TEAD4: variants seen among roughly 807,000 people sequenced by gnomAD.
TEAD4 encodes the protein transcriptional enhancer factor TEF-3.
Under a neutral mutation model 52.4 loss-of-function variants are expected in TEAD4, and 36 were observed. That is an observed-to-expected ratio of 0.69 (90% CI 0.53 to 0.91). The LOEUF (loss-of-function observed/expected upper bound fraction) is 0.91, where lower values mean the gene tolerates loss of function less well. TEAD4 is among the 40% of genes least tolerant of loss of function. The pLI, the probability that TEAD4 is intolerant of heterozygous loss-of-function variation, is 0.00. For missense variants in TEAD4, 508 were observed against 583.9 expected (o/e 0.87, Z 1.34); for synonymous variants, 220 against 231.0 (o/e 0.95, Z 0.43).
chr12:3,013,425 G>A (rs2153956807), intron 5 of TEAD4, among the ~76,000 whole-genome samples: 1 of 152,078 alleles, frequency 6.6e-6, no homozygotes, highest in Non-Finnish European at 1.5e-5. Flanking sequence ...AACTCTAGGG[G>A]ACCTCAGAAT....
intron 5 of TEAD4, among the ~76,000 whole-genome samples, chr12:3,014,651 C>T (rs947635869): frequency 6.6e-6 from 1 of 152,212 alleles, no homozygotes; most frequent in African/African-American, 2.4e-5. Context: ...CCAGTTTCCT[C>T]ATCTGTAAAG....
chr12:3,038,069 G>C lies in TEAD4; in HGVS notation c.999G>C (p.Lys333Asn). The change falls in exon 11 of 13, where the codon AAG becomes AAC. Residue 333 changes from lysine to asparagine, a missense_variant. Physicochemically the swap from Lys to Asn is moderately conservative, Grantham distance 94. Coordinates refer to ENST00000359864, the MANE Select transcript of TEAD4 (RefSeq NM_003213.4). ...ACATGATCATCACCTGCTCCACGAA[G>C]GTCTGCTCTTTCGGCAAGCAGGTGG... 6.2e-7 allele frequency: 1 copy of C among 1,613,824 alleles called. No individual in the cohort carries two copies. Among genetic ancestry groups the C allele is most frequent in the Non-Finnish European group, 8.5e-7 (1 of 1,179,756 alleles).
Position 3,033,925 on chromosome 12 carries a change from C to T in TEAD4, c.898-4043C>T, listed in dbSNP as rs888483083. Among the ~76,000 whole-genome samples, 8 of 146,958 alleles carry T rather than the reference C, an allele frequency of 5.4e-5. 1 individual carries two copies. Among genetic ancestry groups the T allele is most frequent in the Non-Finnish European group, 1.0e-4 (7 of 67,968 alleles). ...GGGTGAGGCTGTAATTAGAAGGATCCAGGCACTGAGGACGAGTCGAGGTGC... is the reference window on the plus strand; with the variant it reads ...GGGTGAGGCTGTAATTAGAAGGATCTAGGCACTGAGGACGAGTCGAGGTGC... On this transcript the variant is annotated intron_variant, in intron 10 of 12. Transcript: ENST00000359864.
In TEAD4 at chr12:3,040,244, C is replaced by T. The variant is rs1345309273; in HGVS notation, c.1176C>T (p.Asn392=). 1.2e-6 allele frequency: 2 copies of T among 1,614,230 alleles called. No individual in the cohort carries two copies. Among genetic ancestry groups the T allele is most frequent in the South Asian group, 2.2e-5 (2 of 91,088 alleles). Residue 392 remains asparagine (N), a synonymous_variant, in exon 12 of 13, where the codon AAC becomes AAT. Transcript: ENST00000359864. ...ACATGATGAACAGCGTGCTGGAGAA[C>T]TTCACCATCCTGCAGGTGTGCGGCG...
intron 10 of TEAD4, among the ~76,000 whole-genome samples, chr12:3,031,711 AC>A (rs1394204305): frequency 1.3e-5 from 2 of 151,858 alleles, no homozygotes; most frequent in Non-Finnish European, 2.9e-5. Flanking sequence ...CATCCTCACC[AC>A]AGCCAAGACT....
rs1013473423 is a variant in TEAD4 at position 3,037,904 on chromosome 12, T to C, written c.898-64T>C. On this transcript the variant is annotated intron_variant, in intron 10 of 12. Coordinates refer to ENST00000359864, the MANE Select transcript of TEAD4 (RefSeq NM_003213.4). Reference sequence around the variant, plus strand: ...CCGGGACCGGGACCCTGAGGTCTCCTTGATGCTCCCGTCTGACATGGCACC... The same window carrying C: ...CCGGGACCGGGACCCTGAGGTCTCCCTGATGCTCCCGTCTGACATGGCACC... The C allele has an allele frequency of 4.1e-5, 65 of 1,566,336 alleles. 1 individual carries two copies. The South Asian group carries it at 7.4e-4, about 18-fold the overall frequency.
intron 10 of TEAD4, among the ~76,000 whole-genome samples, chr12:3,034,680 C>A (rs1479199727): frequency 6.6e-6 from 1 of 152,178 alleles, no homozygotes; most frequent in East Asian, 1.9e-4. Context: ...TTCTTGTAAT[C>A]CCCCCACTTT....
rs71583736 is a variant in TEAD4, at chr12:3,020,766, C to T, written c.716C>T (p.Pro239Leu). 22,993 of 1,605,044 alleles carry T rather than the reference C, an allele frequency of 0.014. 188 individuals are homozygous for T. The highest frequency in any genetic ancestry group is 0.017 in the Non-Finnish European group (20,199 of 1,175,522). Residue 239 changes from proline (P) to leucine (L), a missense_variant, in exon 9 of 13, where the codon CCG becomes CTG. Physicochemically the swap from Pro to Leu is moderately conservative, Grantham distance 98 (BLOSUM62 -3). Coordinates refer to ENST00000359864, the MANE Select transcript of TEAD4 (RefSeq NM_003213.4). ...GCCTTCCTGGAGCAGCAGCAGGACC[C>T]GGACACGGTAGGTCCTGGCCTCTGC... is the stretch of plus-strand genomic sequence containing the variant.
chr12:3,004,606 T>C (rs576148289), intron 3 of TEAD4, among the ~76,000 whole-genome samples: 1 of 152,318 alleles, frequency 6.6e-6, no homozygotes, highest in South Asian at 2.1e-4. Flanking sequence ...CCTTGCTGTT[T>C]CCCTGTCTGT....
intron 3 of TEAD4, among the ~76,000 whole-genome samples, chr12:3,001,701 C>T (rs892270564): frequency 6.6e-6 from 1 of 151,532 alleles, no homozygotes. Flanking sequence ...TGCTTGAACC[C>T]GGGAGGCGGA....
At chr12:3,015,416 G>T (rs565617045) in intron 5 of TEAD4, among the ~76,000 whole-genome samples, 1 of 152,224 alleles carries the variant, frequency 6.6e-6, no homozygotes, top group Admixed American at 6.5e-5. Context: ...AAAACCTTCC[G>T]TGGGCTGCCT....
intron 3 of TEAD4, among the ~76,000 whole-genome samples, chr12:2,995,595 G>GT (rs2098246499): frequency 6.6e-6 from 1 of 152,188 alleles, no homozygotes; most frequent in Non-Finnish European, 1.5e-5. Context: ...CTTGATCTTT[G>GT]TGAGTGGCTG....
chr12:2,965,928 C>T (rs2098219900), intron 2 of TEAD4, among the ~76,000 whole-genome samples: 1 of 151,944 alleles, frequency 6.6e-6, no homozygotes, highest in South Asian at 2.1e-4. Flanking sequence ...GTGATGCGGT[C>T]ATGGCTTATG....
chr12:3,005,980 T>C (rs2098255634), intron 3 of TEAD4, among the ~76,000 whole-genome samples: 1 of 152,186 alleles, frequency 6.6e-6, no homozygotes, highest in Admixed American at 6.5e-5. Context: ...GCATGGTGAC[T>C]GTAGCGAATA....
At chr12:2,969,457 T>A (rs2098223342) in intron 2 of TEAD4, among the ~76,000 whole-genome samples, 2 of 151,732 alleles carry the variant, frequency 1.3e-5, no homozygotes, top group South Asian at 4.2e-4. Flanking sequence ...GTACATAGAG[T>A]TTCATTATGT....
chr12:2,962,331 TAA>T (rs869065906), intron 2 of TEAD4, among the ~76,000 whole-genome samples: 21,441 of 116,508 alleles, frequency 0.18, 2,221 homozygotes, highest in African/African-American at 0.32. Flanking sequence ...TATATAAATA[TAA>T]ATATATATAT....
intron 3 of TEAD4, among the ~76,000 whole-genome samples, chr12:2,995,525 C>T (rs1647199154): frequency 6.6e-6 from 1 of 152,150 alleles, no homozygotes; most frequent in Admixed American, 6.5e-5. Flanking sequence ...AGGCAGAGTG[C>T]TGGAGACCAC....
At chr12:3,025,655 C>A (rs933888327) in intron 10 of TEAD4, among the ~76,000 whole-genome samples, 2 of 151,910 alleles carry the variant, frequency 1.3e-5, no homozygotes, top group African/African-American at 2.4e-5. Context: ...TCATGCCTCA[C>A]CCTTGCAGGT....
Position 3,020,630 on chromosome 12 carries a change from G to T in TEAD4, c.584-4G>T, listed in dbSNP as rs201009033. On this transcript the variant is annotated splice_polypyrimidine_tract_variant and splice_region_variant and intron_variant, in intron 8 of 12. Transcript: ENST00000359864. ...GTTCCATGTGCCTTTCTCACTTTGT[G>T]CAGGGTTTGAGTCTCCTGCAGGGCC... 1.3e-4 allele frequency: 205 copies of T among 1,540,224 alleles called. 1 individual carries two copies. The East Asian group carries it at 4.7e-3, about 35-fold the overall frequency.
Sources: gnomAD v4.1 joint callset for allele counts (sites outside exome capture counted in the v4.1 genomes callset) on GRCh38, gnomAD v4.1.1 for gene constraint, MANE v1.5 for transcripts, NCBI Gene and HGNC (gene_info 2026-07-23, HGNC 2026-07-21) for gene names.